NCKAP5: variants seen among roughly 807,000 people sequenced by gnomAD.
NCKAP5 encodes nck-associated protein 5.
A neutral mutation model predicts 167.0 loss-of-function variants in NCKAP5; 92 were observed. The ratio of observed to expected loss-of-function variants is 0.55; its 90% CI spans 0.47 to 0.66. The LOEUF is 0.66. Among genes scored for constraint, NCKAP5 ranks in the 30% least tolerant of loss-of-function variants. The pLI is 0.00. For missense variants in NCKAP5, 2,378 were observed against 2,315.0 expected, an observed-to-expected ratio of 1.03 and a Z score of -0.56; for synonymous variants, 891 against 877.4, an observed-to-expected ratio of 1.02 and a Z score of -0.27.
intron 16 of NCKAP5, among the ~76,000 whole-genome samples, chr2:132,773,085 G>C (rs1682229447): frequency 6.6e-6 from 1 of 152,196 alleles, no homozygotes; most frequent in Admixed American, 6.5e-5. Flanking sequence ...GAGCTAAATA[G>C]TCAGCACACT....
At chr2:133,389,128 C>T (rs1014716333) in intron 3 of NCKAP5, among the ~76,000 whole-genome samples, 2 of 152,232 alleles carry the variant, frequency 1.3e-5, no homozygotes, top group Non-Finnish European at 2.9e-5. Flanking sequence ...CTGCGTCACT[C>T]ATGCTGGGAG....
intron 3 of NCKAP5, among the ~76,000 whole-genome samples, chr2:133,439,579 T>C (rs920807015): frequency 1.3e-5 from 2 of 152,192 alleles, no homozygotes; most frequent in African/African-American, 2.4e-5. Flanking sequence ...ACATCAGCTA[T>C]GGAGGCAAAG....
At chr2:133,519,076 A>C (rs1470009853) in intron 2 of NCKAP5, among the ~76,000 whole-genome samples, 1 of 152,218 alleles carries the variant, frequency 6.6e-6, no homozygotes, top group East Asian at 1.9e-4. Flanking sequence ...GCAGGATTTC[A>C]TGGCCCACAG....
intron 3 of NCKAP5, among the ~76,000 whole-genome samples, chr2:133,511,366 G>T (rs1208418947): frequency 2.6e-5 from 4 of 151,736 alleles, no homozygotes; most frequent in Admixed American, 6.6e-5. Flanking sequence ...CTCCATCCAT[G>T]GGACCCGGAG....
At chr2:133,038,712 A>G (rs1292129879) in intron 6 of NCKAP5, among the ~76,000 whole-genome samples, 1 of 152,152 alleles carries the variant, frequency 6.6e-6, no homozygotes, top group Non-Finnish European at 1.5e-5. Flanking sequence ...GCATGCCTGT[A>G]TCAAAACACT....
At chr2:133,594,737 A>C in the NCKAP5 span, among the ~76,000 whole-genome samples, 1 of 152,190 alleles carries the variant, frequency 6.6e-6, no homozygotes, top group Admixed American at 6.5e-5. Flanking sequence ...TTCTAAAAGA[A>C]ACTTTGATAC....
intron 3 of NCKAP5, among the ~76,000 whole-genome samples, chr2:133,454,454 A>G (rs771572887): frequency 3.3e-5 from 5 of 152,102 alleles, no homozygotes; most frequent in Non-Finnish European, 4.4e-5. Flanking sequence ...ATTAATATTC[A>G]TATCAAATCA....
At chr2:133,364,883 T>G in intron 3 of NCKAP5, among the ~76,000 whole-genome samples, 1 of 152,072 alleles carries the variant, frequency 6.6e-6, no homozygotes, top group African/African-American at 2.4e-5. Flanking sequence ...CCTGAGTAGC[T>G]GGGACTGCAG....
intron 8 of NCKAP5, among the ~76,000 whole-genome samples, chr2:132,912,767 C>T (rs541130028): frequency 8.5e-5 from 13 of 152,284 alleles, no homozygotes; most frequent in South Asian, 8.3e-4. Flanking sequence ...AGCAGGAACA[C>T]GATAGCCGAA....
At chr2:132,892,146 G>C (rs184440038) in intron 8 of NCKAP5, among the ~76,000 whole-genome samples, 204 of 152,232 alleles carry the variant, frequency 1.3e-3, no homozygotes, top group African/African-American at 4.7e-3. Context: ...TGGGTCCTCT[G>C]GATTGGACAG....
chr2:133,498,787 G>A (rs1219993202), intron 3 of NCKAP5, among the ~76,000 whole-genome samples: 2 of 152,222 alleles, frequency 1.3e-5, no homozygotes, highest in Non-Finnish European at 1.5e-5. Flanking sequence ...CTGACCTGCA[G>A]GTGTAGAGAA....
intron 2 of NCKAP5, among the ~76,000 whole-genome samples, chr2:133,533,891 A>G (rs1416628087): frequency 6.6e-6 from 1 of 152,190 alleles, no homozygotes; most frequent in Non-Finnish European, 1.5e-5. Context: ...GTATGTAAGT[A>G]CATGCCTCTG....
At chr2:132,942,178 T>C (rs550602937) in intron 8 of NCKAP5, among the ~76,000 whole-genome samples, 1 of 152,366 alleles carries the variant, frequency 6.6e-6, no homozygotes, top group South Asian at 2.1e-4. Flanking sequence ...ACTTGCCATC[T>C]ATATCCAATC....
chr2:132,925,650 T>G (rs991085219), intron 8 of NCKAP5, among the ~76,000 whole-genome samples: 10 of 151,786 alleles, frequency 6.6e-5, no homozygotes, highest in African/African-American at 2.4e-4. Context: ...TCTCACCCAC[T>G]GGCCCACTGC....
At chr2:133,457,627 A>C (rs573662598) in intron 3 of NCKAP5, among the ~76,000 whole-genome samples, 2 of 152,304 alleles carry the variant, frequency 1.3e-5, no homozygotes, top group African/African-American at 4.8e-5. Context: ...CATTCAGAAC[A>C]ATCAGTAATA....
At chr2:133,348,153 C>T (rs894165639) in intron 3 of NCKAP5, among the ~76,000 whole-genome samples, 1 of 152,180 alleles carries the variant, frequency 6.6e-6, no homozygotes, top group Admixed American at 6.5e-5. Context: ...ACACCACTTG[C>T]TGAGTGTCTG....
chr2:133,485,133 A>G (rs1168710139), intron 3 of NCKAP5, among the ~76,000 whole-genome samples: 1 of 152,236 alleles, frequency 6.6e-6, no homozygotes, highest in Non-Finnish European at 1.5e-5. Flanking sequence ...GTAGGGAATG[A>G]GACAAATATG....
intron 2 of NCKAP5, among the ~76,000 whole-genome samples, chr2:133,545,916 C>A (rs1254089263): frequency 1.3e-5 from 2 of 152,012 alleles, no homozygotes; most frequent in Non-Finnish European, 1.5e-5. Context: ...AGATTGATAC[C>A]GTTTGCTAAA....
rs148766824 is a variant in NCKAP5, at chr2:133,400,773, C to T, written c.70-97663G>A. On this transcript the variant is annotated intron_variant, in intron 3 of 19. Coordinates refer to ENST00000409261, the MANE Select transcript of NCKAP5 (RefSeq NM_207363.3). Reference sequence around the variant, plus strand: ...TGGTATCGATTTATTTTTAAATTTGCATTTCATTAAGTTTGTGGCCCATAT... The same window carrying T: ...TGGTATCGATTTATTTTTAAATTTGTATTTCATTAAGTTTGTGGCCCATAT... Among the ~76,000 whole-genome samples the T allele has an allele frequency of 2.0e-3, 308 of 152,260 alleles. 2 individuals carry two copies. Among genetic ancestry groups the T allele is most frequent in the African/African-American group, 7.1e-3 (297 of 41,558 alleles).
Sources: gnomAD v4.1 joint callset for allele counts (sites outside exome capture counted in the v4.1 genomes callset) on GRCh38, gnomAD v4.1.1 for gene constraint, MANE v1.5 for transcripts, NCBI Gene and HGNC (gene_info 2026-07-23, HGNC 2026-07-21) for gene names.